DENND5A: variants seen among roughly 807,000 people sequenced by gnomAD.
DENND5A encodes DENN domain containing 5A.
In DENND5A, 64 loss-of-function variants were observed where a neutral mutation model predicts 140.3. The ratio of observed to expected loss-of-function variants is 0.46; its 90% CI spans 0.37 to 0.56. DENND5A has a LOEUF of 0.56. Ranked by LOEUF, DENND5A falls within the 20% of genes least tolerant of loss-of-function variation. The probability of loss-of-function intolerance (pLI) is 0.00; values close to 1 mark genes in which losing one functional copy is unlikely to be tolerated. For missense variants in DENND5A, 1,292 were observed against 1,593.8 expected (o/e 0.81, Z 3.22); for synonymous variants, 605 against 607.7 (o/e 1.00, Z 0.07).
At chr11:9,257,729 A>G (rs1192428430) in intron 1 of DENND5A, among the ~76,000 whole-genome samples, 3 of 147,832 alleles carry the variant, frequency 2.0e-5, no homozygotes, top group Admixed American at 6.8e-5. Context: ...TGATCCGCCC[A>G]CCCCGGCCTC....
At chr11:9,230,226 A>G (rs1327437090) in intron 1 of DENND5A, among the ~76,000 whole-genome samples, 1 of 134,200 alleles carries the variant, frequency 7.5e-6, no homozygotes, top group Non-Finnish European at 1.6e-5. Context: ...ATGTAAAACT[A>G]ATGCTTTTTT....
chr11:9,204,958 C>T (rs1849646706), intron 3 of DENND5A, among the ~76,000 whole-genome samples: 1 of 152,122 alleles, frequency 6.6e-6, no homozygotes, highest in Admixed American at 6.5e-5. Flanking sequence ...TAAAAGAAAA[C>T]TTGGAAAATT....
chr11:9,216,747 A>G (rs1590288902), intron 1 of DENND5A, among the ~76,000 whole-genome samples: 1 of 152,324 alleles, frequency 6.6e-6, no homozygotes, highest in East Asian at 1.9e-4. Flanking sequence ...TCTACAAAAA[A>G]TTTAATAATT....
intron 11 of DENND5A, among the ~76,000 whole-genome samples, chr11:9,164,511 A>G (rs950909526): frequency 3.3e-5 from 5 of 152,060 alleles, no homozygotes; most frequent in Non-Finnish European, 7.4e-5. Context: ...GTAGAGACTG[A>G]GTTAGTTGAA....
chr11:9,144,003 G>C lies in DENND5A; in HGVS notation c.3304+94C>G. 3 of 1,432,572 alleles carry C rather than the reference G, an allele frequency of 2.1e-6. No homozygotes were observed. In the East Asian group the frequency reaches 6.9e-5, roughly 33 times the overall value. The allele number at this position is 1,432,572 out of a possible 1,614,324, so 88.7% of individuals were successfully genotyped here. A position where few individuals can be genotyped will look rare whatever the true frequency, so the allele number is the denominator to read the frequency against. On this transcript the variant is annotated intron_variant, in intron 19 of 22. Coordinates refer to ENST00000328194, the MANE Select transcript of DENND5A (RefSeq NM_015213.4). Reference sequence around the variant, plus strand: ...AAGTGTTTCCTGAGGCAGCTGCACAGGCTGGGACCCAGGTTCCCATTATCA... The same window carrying C: ...AAGTGTTTCCTGAGGCAGCTGCACACGCTGGGACCCAGGTTCCCATTATCA...
intron 1 of DENND5A, among the ~76,000 whole-genome samples, chr11:9,252,546 C>A (rs796709507): frequency 6.6e-6 from 1 of 151,912 alleles, no homozygotes; most frequent in Admixed American, 6.6e-5. Flanking sequence ...ACTCAGGAGG[C>A]TGAGGCAGAA....
chr11:9,260,424 C>T (rs116972783), intron 1 of DENND5A, among the ~76,000 whole-genome samples: 3,068 of 152,244 alleles, frequency 0.02, 42 homozygotes, highest in Middle Eastern at 0.058. Flanking sequence ...CCAGGACATT[C>T]GCCCATCAGA....
intron 1 of DENND5A, among the ~76,000 whole-genome samples, chr11:9,240,411 A>C (rs1434604055): frequency 1.3e-5 from 2 of 151,884 alleles, no homozygotes; most frequent in Non-Finnish European, 2.9e-5. Context: ...ACAAACAAAC[A>C]AACAAAAACT....
intron 1 of DENND5A, among the ~76,000 whole-genome samples, chr11:9,232,590 G>T (rs989735552): frequency 6.6e-6 from 1 of 152,072 alleles, no homozygotes; most frequent in Non-Finnish European, 1.5e-5. Flanking sequence ...GTAAGGATAG[G>T]GAGTAACCTA....
chr11:9,248,042 C>T (rs1027857110), intron 1 of DENND5A, among the ~76,000 whole-genome samples: 10 of 152,132 alleles, frequency 6.6e-5, no homozygotes, highest in African/African-American at 2.4e-4. Context: ...GGCTAGAGTG[C>T]AGTGGCTTGA....
chr11:9,193,813 G>C (rs1849226197), intron 4 of DENND5A, 132 bp from the exon 5 acceptor site: 1 of 790,646 alleles, frequency 1.3e-6, no homozygotes, highest in Non-Finnish European at 2.0e-6. Context: ...TTCAGCTAGG[G>C]TATGCTCAAT....
chr11:9,203,504 G>T, intron 4 of DENND5A, 156 bp downstream of exon 4: 1 of 734,890 alleles, frequency 1.4e-6, no homozygotes, highest in Non-Finnish European at 2.2e-6. Context: ...GCCCTCTCAT[G>T]TCTATCAATT....
In DENND5A at chr11:9,142,755, G is replaced by T. The variant is rs750904491; in HGVS notation, c.3478C>A (p.Leu1160Ile). The change falls in exon 21 of 23, where the codon CTC becomes ATC. Residue 1160 changes from leucine to isoleucine, a missense_variant. Coordinates refer to ENST00000328194, the MANE Select transcript of DENND5A (RefSeq NM_015213.4). ...AFQHGFKSPRLFKNVFIWDFL... is the reference protein window; with the variant it reads ...AFQHGFKSPRIFKNVFIWDFL... The stretch of plus-strand genomic sequence containing the variant: ...TCCCAAATGAAGACATTTTTGAAGA[G>T]CCGGGGCGATTTAAATCCATGCTGG... 6.2e-7 allele frequency: 1 copy of T among 1,614,172 alleles called. No homozygotes were observed. Among genetic ancestry groups the T allele is most frequent in the South Asian group, 1.1e-5 (1 of 91,086 alleles).
chr11:9,176,756 A>G, intron 8 of DENND5A: 1 of 375,234 alleles, frequency 2.7e-6, no homozygotes. Context: ...TGTGGCAAAT[A>G]CCATCAACTG....
At chr11:9,197,790 A>T (rs1367050721) in intron 4 of DENND5A, among the ~76,000 whole-genome samples, 1 of 152,216 alleles carries the variant, frequency 6.6e-6, no homozygotes, top group Non-Finnish European at 1.5e-5. Flanking sequence ...TTCATTAAGG[A>T]TACACAAAAA....
rs71062818 is a variant in DENND5A at position 9,231,715 on chromosome 11, C to CA, written c.110-24084dup. On this transcript the variant is annotated intron_variant, in intron 1 of 22. Coordinates refer to ENST00000328194, the MANE Select transcript of DENND5A (RefSeq NM_015213.4). ...GGGCAACAAGAGCGAAACTCCGTCTCAAAAAAAAAAAAAAAAAGACTCTGG... is the reference window on the plus strand; with the variant it reads ...GGGCAACAAGAGCGAAACTCCGTCTCAAAAAAAAAAAAAAAAAAGACTCTGG... Among the ~76,000 whole-genome samples the CA allele has an allele frequency of 2.3e-3, 178 of 78,942 alleles. 6 individuals carry two copies. The highest frequency in any genetic ancestry group is 5.4e-3 in the African/African-American group (114 of 21,168). The allele number at this position is 78,942 out of a possible 152,430, so 51.8% of individuals were successfully genotyped here. A position where few individuals can be genotyped will look rare whatever the true frequency, so the allele number is the denominator to read the frequency against.
chr11:9,150,350 T>C (rs1271273365), intron 14 of DENND5A, 141 bp from the exon 15 acceptor site: 1 of 1,075,622 alleles, frequency 9.3e-7, no homozygotes, highest in Admixed American at 2.5e-5. Context: ...ATTCTCCAAA[T>C]ACTGGGCTTC....
At chr11:9,239,721 CA>C (rs1851155590) in intron 1 of DENND5A, among the ~76,000 whole-genome samples, 3 of 152,198 alleles carry the variant, frequency 2.0e-5, no homozygotes, top group African/African-American at 7.2e-5. Context: ...CTCTGCCTCC[CA>C]AAGTGCTGGG....
intron 22 of DENND5A, among the ~76,000 whole-genome samples, chr11:9,140,497 C>T (rs1393583538): frequency 6.6e-6 from 1 of 152,160 alleles, no homozygotes; most frequent in Non-Finnish European, 1.5e-5. Context: ...ACAGGAATAG[C>T]CCCTAATAAT....
Sources: allele counts gnomAD v4.1 joint callset (sites outside exome capture counted in the v4.1 genomes callset), GRCh38; gene constraint gnomAD v4.1.1; transcripts MANE v1.5; gene names NCBI Gene and HGNC (gene_info 2026-07-23, HGNC 2026-07-21).